Variants in ABCA3 observed in about 807,000 individuals in gnomAD.
ABCA3 encodes the protein ATP binding cassette subfamily A member 3.
A neutral mutation model predicts 172.8 loss-of-function variants in ABCA3; 88 were observed. The observed-to-expected ratio is 0.51, with a 90% CI of 0.43 to 0.61. The LOEUF (loss-of-function observed/expected upper bound fraction) is 0.61, where lower values mean the gene tolerates loss of function less well. Among genes scored for constraint, ABCA3 ranks in the 20% least tolerant of loss-of-function variants. The pLI, the probability that ABCA3 is intolerant of heterozygous loss-of-function variation, is 0.00. For synonymous variants in ABCA3, 1,066 were observed against 983.8 expected, an observed-to-expected ratio of 1.08 and a Z score of -1.56; for missense variants, 2,164 against 2,301.0, an observed-to-expected ratio of 0.94 and a Z score of 1.22.
intron 1 of ABCA3, chr16:2,332,285 C>A: frequency 1.7e-6 from 1 of 573,808 alleles, no homozygotes; most frequent in Non-Finnish European, 3.2e-6. Flanking sequence ...GTTTATTATA[C>A]AGGTGAATTT....
chr16:2,278,750 A>C lies in ABCA3; in HGVS notation c.4547+193T>G, dbSNP rs974272283. 4.6e-5 allele frequency among the ~76,000 whole-genome samples: 7 copies of C among 152,180 alleles called. No individual in the cohort carries two copies. Among genetic ancestry groups the C allele is most frequent in the African/African-American group, 1.7e-4 (7 of 41,444 alleles). ...ATCTCTCACTGCTGGCTTTGTCCCT[A>C]GGTGGCAGGCACTGTCAGGGCAGTC... On this transcript the variant is annotated intron_variant, in intron 29 of 32. Transcript: ENST00000301732. This position sits in a 1 kb window ranked among gnomAD's most constrained non-coding sequence, Gnocchi z 4.4.
At position 2,311,609 on chromosome 16, in the gene ABCA3, G is replaced by A. The variant is rs193289550; in HGVS notation, c.1112-2986C>T. On this transcript the variant is annotated intron_variant, in intron 10 of 32. Transcript: ENST00000301732. ...ACGATCTTGGCTCAATGCAACCTCC[G>A]ACTCCCAGGTTCAAGCAATTCCCTG... Among the ~76,000 whole-genome samples, 40 of 152,062 alleles carry A rather than the reference G, an allele frequency of 2.6e-4. 1 individual carries two copies. The South Asian group carries it at 7.1e-3, about 27-fold the overall frequency.
At position 2,281,317 on chromosome 16, in the gene ABCA3, G is replaced by T. The variant is rs1006878314; in HGVS notation, c.4164+64C>A. 2 of 1,613,078 alleles carry T rather than the reference G, an allele frequency of 1.2e-6. No homozygotes were observed. Among genetic ancestry groups the T allele is most frequent in the Admixed American group, 1.7e-5 (1 of 60,022 alleles). On this transcript the variant is annotated intron_variant, in intron 27 of 32. Transcript: ENST00000301732. The surrounding 1 kb of genome is among the most constrained non-coding windows in gnomAD (Gnocchi z 4.7). Reference sequence around the variant, plus strand: ...GCCGAAAGCTTCCAGGGATGGGGTCGGACCCTGGGGACAGCCAGGTAGTCA... The same window carrying T: ...GCCGAAAGCTTCCAGGGATGGGGTCTGACCCTGGGGACAGCCAGGTAGTCA...
In ABCA3 at chr16:2,300,082, T is replaced by C; in HGVS notation, c.1534A>G (p.Lys512Glu). 6.2e-7 allele frequency: 1 copy of C among 1,613,508 alleles called. No homozygotes were observed. Among genetic ancestry groups the C allele is most frequent in the Non-Finnish European group, 8.5e-7 (1 of 1,179,878 alleles). ...TCAAAGTACTCGTTTCTGAGTGCTT[T>C]CTCGGGGTCACTGTCTTCTTCCTCC... ...GKEEEDSDPEKALRNEYFEAE... is the reference protein window; with the variant it reads ...GKEEEDSDPEEALRNEYFEAE... The change falls in exon 13 of 33, where the codon AAA becomes GAA. Residue 512 changes from lysine to glutamate, a missense_variant. Transcript: ENST00000301732.
intron 15 of ABCA3, 102 bp downstream of exon 15, chr16:2,298,284 C>T (rs943269335): frequency 2.6e-6 from 4 of 1,550,780 alleles, no homozygotes; most frequent in Non-Finnish European, 3.5e-6. Flanking sequence ...TGGCTCCTGC[C>T]CTCCTGGCTC....
At position 2,297,855 on chromosome 16, in the gene ABCA3, C is replaced by T. The variant is rs762718327; in HGVS notation, c.1963G>A (p.Glu655Lys). The T allele has an allele frequency of 6.8e-6, 11 of 1,613,860 alleles. No individual in the cohort carries two copies. In the East Asian group the frequency reaches 1.1e-4, roughly 16 times the overall value. Residue 655 changes from glutamate to lysine, a missense_variant, in exon 16 of 33, where the codon GAG (glutamate) becomes AAG (lysine). By Grantham distance (56) the Glu-to-Lys change is moderately conservative. Transcript: ENST00000301732. This position sits in a 1 kb window ranked among gnomAD's most constrained non-coding sequence, Gnocchi z 5.6. ...VKQMLHIIGL[E>K]DKWNSRSRFL... ...CGGCTCCGTGAGTTCCACTTGTCCT[C>T]CAGGCCGATGATGTGCAGCATCTGC...
At chr16:2,307,547 C>T (rs1876871261) in intron 11 of ABCA3, among the ~76,000 whole-genome samples, 1 of 151,706 alleles carries the variant, frequency 6.6e-6, no homozygotes, top group South Asian at 2.1e-4. Context: ...GAACGAGACT[C>T]TTGTCTCAAA....
chr16:2,315,999 A>C (rs2075680445), intron 10 of ABCA3, among the ~76,000 whole-genome samples: 1 of 151,054 alleles, frequency 6.6e-6, no homozygotes, highest in Admixed American at 6.6e-5. Flanking sequence ...GTTTTCTTTA[A>C]TAATAAAACA....
At position 2,278,313 on chromosome 16, in the gene ABCA3, T is replaced by C; in HGVS notation, c.4693A>G (p.Lys1565Glu). ...DTVARARESG[K>E]AIIITSHSME... is the part of the protein sequence containing the mutation. ...CTGTGGGAGGTGATGATGATGGCCT[T>C]GCCAGACTCTCGGGCTCGTGCCACG... is the stretch of plus-strand genomic sequence containing the variant. Residue 1565 changes from lysine (K) to glutamate (E), a missense_variant, in exon 30 of 33, where the codon AAG (lysine) becomes GAG (glutamate). By Grantham distance (56) the Lys-to-Glu change is moderately conservative. This residue lies in a region of ABCA3 where 795 missense variants were observed against 881.9 expected (regional missense o/e 0.90). Coordinates refer to ENST00000301732, the MANE Select transcript of ABCA3 (RefSeq NM_001089.3). The surrounding 1 kb of genome is among the most constrained non-coding windows in gnomAD (Gnocchi z 4.4). 6.2e-7 allele frequency: 1 copy of C among 1,609,756 alleles called. No individual in the cohort carries two copies. The highest frequency in any genetic ancestry group is 8.5e-7 in the Non-Finnish European group (1 of 1,179,962).
intron 11 of ABCA3, among the ~76,000 whole-genome samples, 185 bp downstream of exon 11, chr16:2,308,265 C>T (rs996937448): frequency 6.6e-6 from 1 of 152,140 alleles, no homozygotes; most frequent in African/African-American, 2.4e-5. Flanking sequence ...GGGCTTCCCT[C>T]GCCCGGGGCC....
intron 18 of ABCA3, among the ~76,000 whole-genome samples, chr16:2,292,733 A>G (rs45603035): frequency 4.1e-4 from 63 of 152,332 alleles, no homozygotes; most frequent in Non-Finnish European, 7.6e-4. Context: ...CAGCCTGAGC[A>G]ACACGGTGAA....
chr16:2,303,981 G>T lies in ABCA3; in HGVS notation c.1455C>A (p.Tyr485Ter), dbSNP rs1406324789. 2 of 1,614,078 alleles carry T rather than the reference G, an allele frequency of 1.2e-6. No individual in the cohort carries two copies. Among genetic ancestry groups the T allele is most frequent in the Admixed American group, 1.7e-5 (1 of 59,998 alleles). Reference protein sequence around the residue: ...PGQFGVPQPWYFFIMPSYWCG... With the variant: ...PGQFGVPQPW ...CATCAGAACTCACCATGATGAAGAA[G>T]TACCAGGGCTGAGGCACGCCGAACT... is the stretch of plus-strand genomic sequence containing the variant. The change falls in exon 12 of 33, where the codon TAC (tyrosine) becomes TAA (stop). Residue 485 changes from tyrosine (Y) to a stop codon, truncating the protein, a stop_gained. Transcript: ENST00000301732. LOFTEE classifies it high-confidence loss of function.
chr16:2,316,140 G>GA lies in ABCA3; in HGVS notation c.1111+1142dup, dbSNP rs534232946. On this transcript the variant is annotated intron_variant, in intron 10 of 32. Transcript: ENST00000301732. ...AAGACCAGTCTGGGAAACATGGTGA[G>GA]AAAAAAAAAAAAAAAAAAAAAGCTA... 1.5e-3 allele frequency among the ~76,000 whole-genome samples: 88 copies of GA among 57,788 alleles called. 1 individual carries two copies. The highest frequency in any genetic ancestry group is 2.6e-3 in the African/African-American group (37 of 14,454). 37.9% of individuals were successfully genotyped at this position (57,788 alleles called of 152,430 possible).
rs1275578109 is a variant in ABCA3 at position 2,297,983 on chromosome 16, C to T, written c.1897-62G>A. ...CTGGCGGGAGGCCGACCCTGGCCAG[C>T]GAGGTTCTGGTGAGAGGAACCTCTC... On this transcript the variant is annotated intron_variant, in intron 15 of 32. Coordinates refer to ENST00000301732, the MANE Select transcript of ABCA3 (RefSeq NM_001089.3). The surrounding 1 kb of genome is among the most constrained non-coding windows in gnomAD (Gnocchi z 5.6). 21 of 1,598,934 alleles carry T rather than the reference C, an allele frequency of 1.3e-5. No individual in the cohort carries two copies. The highest frequency in any genetic ancestry group is 2.2e-5 in the South Asian group (2 of 90,516).
At chr16:2,315,616 AG>A (rs1237111708) in intron 10 of ABCA3, among the ~76,000 whole-genome samples, 3 of 152,278 alleles carry the variant, frequency 2.0e-5, no homozygotes, top group African/African-American at 7.2e-5. Context: ...CGTGCACATC[AG>A]ATATGTTGGC....
chr16:2,300,014 G>A lies in ABCA3; in HGVS notation c.1602C>T (p.His534=), dbSNP rs887745532. Residue 534 remains histidine, a synonymous_variant, in exon 13 of 33, where the codon CAC becomes CAT. Transcript: ENST00000301732. ...EDLVAGIKIK[H]LSKVFRVGNK... is the part of the protein sequence containing the mutation. Reference sequence around the variant, plus strand: ...CCACAGGAGGCGGCACCTTGGACAGGTGCTTGATCTTGATCCCCGCCACCA... The same window carrying A: ...CCACAGGAGGCGGCACCTTGGACAGATGCTTGATCTTGATCCCCGCCACCA... 1 of 1,613,136 alleles carries A rather than the reference G, an allele frequency of 6.2e-7. No individual in the cohort carries two copies. The highest frequency in any genetic ancestry group is 1.3e-5 in the African/African-American group (1 of 74,914).
intron 12 of ABCA3, among the ~76,000 whole-genome samples, chr16:2,302,173 G>C (rs529715152): frequency 1.3e-5 from 2 of 152,104 alleles, no homozygotes; most frequent in Non-Finnish European, 2.9e-5. Flanking sequence ...ATCTCTGTTC[G>C]GGGCTCTCAG....
intron 12 of ABCA3, 47 bp from the exon 13 acceptor site, chr16:2,300,195 C>T (rs775480003): frequency 6.2e-7 from 1 of 1,611,264 alleles, no homozygotes; most frequent in Non-Finnish European, 8.5e-7. Context: ...TTGTGACGAG[C>T]AAAGCAACAA....
chr16:2,323,623 A>T lies in ABCA3; in HGVS notation c.513T>A (p.Phe171Leu). ...GCCAGCCTTCTGTCTCTTTCAGGAAAAAGGAGCCTGTTTGGGTCCACATGT... is the reference window on the plus strand; with the variant it reads ...GCCAGCCTTCTGTCTCTTTCAGGAATAAGGAGCCTGTTTGGGTCCACATGT... ...RNYMWTQTGSFFLKETEGWHT... is the reference protein window; with the variant it reads ...RNYMWTQTGSLFLKETEGWHT... Residue 171 changes from phenylalanine (F) to leucine (L), a missense_variant, in exon 7 of 33, where the codon TTT becomes TTA. Coordinates refer to ENST00000301732, the MANE Select transcript of ABCA3 (RefSeq NM_001089.3). 6.2e-7 allele frequency: 1 copy of T among 1,614,180 alleles called. No homozygotes were observed. Among genetic ancestry groups the T allele is most frequent in the Non-Finnish European group, 8.5e-7 (1 of 1,180,028 alleles).
Sources: allele counts gnomAD v4.1 joint callset (sites outside exome capture counted in the v4.1 genomes callset), GRCh38; gene constraint gnomAD v4.1.1; regional missense constraint gnomAD v4.1.1; non-coding constraint Gnocchi (gnomAD v3.1); transcripts MANE v1.5; gene names NCBI Gene and HGNC (gene_info 2026-07-23, HGNC 2026-07-21).